TENT4B: variants seen among roughly 807,000 people sequenced by gnomAD.
The protein encoded by TENT4B is PAP associated domain containing 5.
In TENT4B, 10 loss-of-function variants were observed where a neutral mutation model predicts 75.0. That is an observed-to-expected ratio of 0.13 (90% CI 0.08 to 0.23). The LOEUF is 0.23. Among genes scored for constraint, TENT4B ranks in the 10% least tolerant of loss-of-function variants. TENT4B has a pLI of 1.00. For synonymous variants in TENT4B, 350 were observed against 357.7 expected, an observed-to-expected ratio of 0.98 and a Z score of 0.24; for missense variants, 579 against 893.8, an observed-to-expected ratio of 0.65 and a Z score of 4.49.
At chr16:50,180,431 G>GTTT (rs2038391254) in intron 1 of TENT4B, among the ~76,000 whole-genome samples, 1 of 152,194 alleles carries the variant, frequency 6.6e-6, no homozygotes, top group Non-Finnish European at 1.5e-5. Flanking sequence ...TAATAGGCCA[G>GTTT]TTGCGGTGGT....
intron 1 of TENT4B, among the ~76,000 whole-genome samples, chr16:50,164,028 G>C (rs1473177647): frequency 1.3e-5 from 2 of 151,724 alleles, no homozygotes; most frequent in Admixed American, 1.3e-4. Flanking sequence ...GTGGTGGCAC[G>C]TGCCTGTAAT....
Position 50,229,173 on chromosome 16 carries a change from C to G in TENT4B, c.1987C>G (p.Arg663Gly). Residue 663 changes from arginine (R) to glycine (G), a missense_variant, in exon 12 of 12, where the codon CGT becomes GGT. Physicochemically the swap from Arg to Gly is moderately radical, Grantham distance 125. Transcript: ENST00000561678. Reference sequence around the variant, plus strand: ...GCAGCATGGATCAGCAAGGCTCTTTCGTTCTTCCAGCAAAGGCTTCCAAGG... The same window carrying G: ...GCAGCATGGATCAGCAAGGCTCTTTGGTTCTTCCAGCAAAGGCTTCCAAGG... ...KSQHGSARLF[R>G]SSSKGFQGTT... is the part of the protein sequence containing the mutation. 1.2e-6 allele frequency: 2 copies of G among 1,612,898 alleles called. No individual in the cohort carries two copies. The highest frequency in any genetic ancestry group is 1.7e-6 in the Non-Finnish European group (2 of 1,179,420).
intron 1 of TENT4B, among the ~76,000 whole-genome samples, chr16:50,187,405 A>C (rs2038551331): frequency 6.6e-6 from 1 of 151,870 alleles, no homozygotes; most frequent in Non-Finnish European, 1.5e-5. Context: ...CAACATGCCG[A>C]AACCCTGTCT....
In TENT4B at chr16:50,224,883, A is replaced by G; in HGVS notation, c.1509-8A>G. On this transcript the variant is annotated splice_region_variant and splice_polypyrimidine_tract_variant and intron_variant, in intron 8 of 11. Transcript: ENST00000561678. ...CCTCCCTCTCCCTTTCTTTTTAAAC[A>G]CATGCAGCATACTAGGTAGAATAAT... is the stretch of plus-strand genomic sequence containing the variant. The G allele has an allele frequency of 6.2e-7, 1 of 1,612,708 alleles. No homozygotes were observed. The highest frequency in any genetic ancestry group is 8.5e-7 in the Non-Finnish European group (1 of 1,178,984).
rs2037830598 is a variant in TENT4B at position 50,153,885 on chromosome 16, G to C, written c.264G>C (p.Glu88Asp). 11 of 1,514,008 alleles carry C rather than the reference G, an allele frequency of 7.3e-6. No homozygotes were observed. Among genetic ancestry groups the C allele is most frequent in the Non-Finnish European group, 9.7e-6 (11 of 1,138,432 alleles). The allele number at this position is 1,514,008 out of a possible 1,614,324, so 93.8% of individuals were successfully genotyped here. ...PAPAGMYRSG[E>D]RLLGSHALPA... ...CGGCCGGCATGTATCGCTCCGGGGAGCGCCTGCTGGGCAGCCACGCGCTGC... is the reference window on the plus strand; with the variant it reads ...CGGCCGGCATGTATCGCTCCGGGGACCGCCTGCTGGGCAGCCACGCGCTGC... The change falls in exon 1 of 12, where the codon GAG becomes GAC. Residue 88 changes from glutamate (E) to aspartate (D), a missense_variant. Transcript: ENST00000561678.
chr16:50,198,417 TA>T (rs72219443), intron 1 of TENT4B, among the ~76,000 whole-genome samples: 21,939 of 133,726 alleles, frequency 0.16, 1,994 homozygotes, highest in African/African-American at 0.28. Context: ...AGACTCTGTC[TA>T]AAAAAAAAAA....
chr16:50,185,124 G>A (rs1232691098), intron 1 of TENT4B, among the ~76,000 whole-genome samples: 1 of 152,180 alleles, frequency 6.6e-6, no homozygotes, highest in Non-Finnish European at 1.5e-5. Flanking sequence ...CAAGCTCCAA[G>A]TTGTAGTTTG....
At chr16:50,153,046 C>G, upstream of TENT4B, 34 of 1,492,776 alleles carry the variant, frequency 2.3e-5, no homozygotes, top group Non-Finnish European at 2.8e-5. Flanking sequence ...CGTGGGAGCA[C>G]TCCACAGATG....
At chr16:50,188,538 T>C (rs2038579520) in intron 1 of TENT4B, among the ~76,000 whole-genome samples, 1 of 152,258 alleles carries the variant, frequency 6.6e-6, no homozygotes, top group Non-Finnish European at 1.5e-5. Context: ...ACTAATGTTT[T>C]AGTGTAATTT....
rs1023664305 is a variant in TENT4B, at chr16:50,153,315, AGCCGCCGCCGCC to A, written c.-297_-286del. ...GCCGCCGCCGCTCGCTCTTCTGTGG[AGCCGCCGCCGCC>A]GCCGCCGCCATTTGCACGGGGACCC... is the stretch of plus-strand genomic sequence containing the variant. On this transcript the variant is annotated 5_prime_UTR_variant, in exon 1 of 12. Transcript: ENST00000561678. 8.1e-5 allele frequency among the ~76,000 whole-genome samples: 11 copies of A among 135,848 alleles called. 2 individuals are homozygous for A. The Admixed American group carries it at 8.2e-4, about 10-fold the overall frequency. The allele number at this position is 135,848 out of a possible 152,430, so 89.1% of individuals were successfully genotyped here. A position where few individuals can be genotyped will look rare whatever the true frequency, so the allele number is the denominator to read the frequency against.
At chr16:50,214,146 T>C in intron 2 of TENT4B, 75 bp from the exon 3 acceptor site, 1 of 1,177,368 alleles carries the variant, frequency 8.5e-7, no homozygotes, top group Non-Finnish European at 1.2e-6. Context: ...CTGACATTTC[T>C]CCATATCTTG....
At chr16:50,154,411 A>AC (rs1418111081) in intron 1 of TENT4B, among the ~76,000 whole-genome samples, 152 bp downstream of exon 1, 1 of 150,086 alleles carries the variant, frequency 6.7e-6, no homozygotes, top group Non-Finnish European at 1.5e-5. Flanking sequence ...GCCATCCCCA[A>AC]CCCCCCAGTC....
Position 50,217,540 on chromosome 16 carries a change from T to A in TENT4B, c.931-16T>A. On this transcript the variant is annotated splice_polypyrimidine_tract_variant and intron_variant, in intron 4 of 11. Coordinates refer to ENST00000561678, the MANE Select transcript of TENT4B (RefSeq NM_001365324.3). ...CTGGTTAAAGCATTTACATTTTACCTTTCTTCTCTTTATAGGTACCTATTA... is the reference window on the plus strand; with the variant it reads ...CTGGTTAAAGCATTTACATTTTACCATTCTTCTCTTTATAGGTACCTATTA... 7.5e-7 allele frequency: 1 copy of A among 1,339,534 alleles called. No homozygotes were observed. The highest frequency in any genetic ancestry group is 1.0e-6 in the Non-Finnish European group (1 of 985,808). 83.0% of individuals were successfully genotyped at this position (1,339,534 alleles called of 1,614,324 possible). A position where few individuals can be genotyped will look rare whatever the true frequency, so the allele number is the denominator to read the frequency against.
chr16:50,209,454 C>T (rs143839877), intron 1 of TENT4B, among the ~76,000 whole-genome samples: 23 of 152,286 alleles, frequency 1.5e-4, no homozygotes, highest in African/African-American at 4.8e-4. Flanking sequence ...AACAAAACTT[C>T]GAAACGGAAG....
intron 1 of TENT4B, among the ~76,000 whole-genome samples, chr16:50,173,353 A>G (rs1284366569): frequency 1.3e-5 from 2 of 152,188 alleles, no homozygotes; most frequent in African/African-American, 4.8e-5. Context: ...GCAATTATGC[A>G]TGAAGTTACT....
At chr16:50,155,169 G>A (rs1256961504) in intron 1 of TENT4B, among the ~76,000 whole-genome samples, 2 of 152,020 alleles carry the variant, frequency 1.3e-5, no homozygotes, top group African/African-American at 4.8e-5. Flanking sequence ...ATGTACATAA[G>A]CAGGGAATGT....
chr16:50,179,289 G>T (rs1471883406), intron 1 of TENT4B, among the ~76,000 whole-genome samples: 1 of 152,178 alleles, frequency 6.6e-6, no homozygotes, highest in Non-Finnish European at 1.5e-5. Context: ...TTGAACCCGG[G>T]TGGTGGAGGT....
chr16:50,173,985 C>A (rs572391756), intron 1 of TENT4B, among the ~76,000 whole-genome samples: 1 of 151,740 alleles, frequency 6.6e-6, no homozygotes, highest in Non-Finnish European at 1.5e-5. Flanking sequence ...TGAGCCACTG[C>A]GCCTGGCTTT....
chr16:50,220,338 C>CT (rs889411502), intron 5 of TENT4B, among the ~76,000 whole-genome samples: 51 of 147,638 alleles, frequency 3.5e-4, no homozygotes, highest in Non-Finnish European at 5.9e-4. Flanking sequence ...TATGTGGCCA[C>CT]TTTTTTTTTT....
Sources: gnomAD v4.1 joint callset for allele counts (sites outside exome capture counted in the v4.1 genomes callset) on GRCh38, gnomAD v4.1.1 for gene constraint, MANE v1.5 for transcripts, NCBI Gene and HGNC (gene_info 2026-07-23, HGNC 2026-07-21) for gene names.